Variants in TOX observed in about 807,000 individuals in gnomAD.
The protein encoded by TOX is thymocyte selection associated high mobility group box, also known as thymocyte selection-associated high mobility group box protein TOX.
TOX carries 11 observed loss-of-function variants against 53.7 expected under a neutral mutation model. That is an observed-to-expected ratio of 0.20 (90% confidence interval 0.13 to 0.34). The LOEUF (loss-of-function observed/expected upper bound fraction) is 0.34. Among genes scored for constraint, TOX ranks in the 10% least tolerant of loss-of-function variants. The pLI, the probability that TOX is intolerant of heterozygous loss-of-function variation, is 1.00. For synonymous variants in TOX, 225 were observed against 245.3 expected (o/e 0.92, Z 0.77); for missense variants, 570 against 664.6 (o/e 0.86, Z 1.56).
chr8:59,114,845 C>A (rs1220451019), intron 1 of TOX, among the ~76,000 whole-genome samples: 1 of 152,112 alleles, frequency 6.6e-6, no homozygotes, highest in East Asian at 1.9e-4. Context: ...ATACATAATA[C>A]ATTTTAAATA....
intron 1 of TOX, among the ~76,000 whole-genome samples, chr8:59,058,687 G>A (rs956102262): frequency 1.3e-5 from 2 of 152,066 alleles, no homozygotes; most frequent in African/African-American, 2.4e-5. Context: ...TGAGTTGTGC[G>A]CTCCAAGTCA....
intron 1 of TOX, among the ~76,000 whole-genome samples, chr8:59,018,788 T>A (rs1011816265): frequency 1.3e-5 from 2 of 152,122 alleles, no homozygotes; most frequent in South Asian, 4.2e-4. Context: ...GTTAATGCCT[T>A]TCTTGCTGAT....
chr8:58,893,302 A>G (rs1362756122), intron 3 of TOX, among the ~76,000 whole-genome samples: 5 of 152,190 alleles, frequency 3.3e-5, no homozygotes, highest in Non-Finnish European at 7.3e-5. Flanking sequence ...GGTGGCAAGA[A>G]GATAATATTT....
rs1365656924 is a variant in TOX, at chr8:58,921,244, C to G, written c.411+18058G>C. Among the ~76,000 whole-genome samples the G allele has an allele frequency of 2.0e-5, 3 of 152,284 alleles. No individual in the cohort carries two copies. In the East Asian group the frequency reaches 5.8e-4, roughly 29 times the overall value. ...TTCTGCTTTAAGCAAAGTAAAATGG[C>G]TGTTTTTGAAACTTGATTACTGATC... On this transcript the variant is annotated intron_variant, in intron 3 of 8. Transcript: ENST00000361421.
chr8:58,854,435 G>C (rs1810878005), intron 3 of TOX, among the ~76,000 whole-genome samples: 1 of 151,954 alleles, frequency 6.6e-6, no homozygotes, highest in African/African-American at 2.4e-5. Flanking sequence ...CTCCTCCCCT[G>C]TCTTGCAATC....
At chr8:59,032,948 T>C (rs1814385660) in intron 1 of TOX, among the ~76,000 whole-genome samples, 1 of 151,822 alleles carries the variant, frequency 6.6e-6, no homozygotes, top group African/African-American at 2.4e-5. Flanking sequence ...GGAGAATTGC[T>C]TGGACCTGGG....
chr8:59,076,944 A>G (rs1323801077), intron 1 of TOX, among the ~76,000 whole-genome samples: 1 of 152,230 alleles, frequency 6.6e-6, no homozygotes, highest in Non-Finnish European at 1.5e-5. Flanking sequence ...ATAGCACTTT[A>G]CAAAGCAATT....
intron 1 of TOX, among the ~76,000 whole-genome samples, chr8:59,035,444 A>G (rs1019176454): frequency 2.6e-5 from 4 of 152,198 alleles, no homozygotes; most frequent in African/African-American, 9.7e-5. Context: ...AGGCAATCAC[A>G]GCTCACTGCA....
chr8:59,096,772 C>T (rs1252493393), intron 1 of TOX, among the ~76,000 whole-genome samples: 4 of 152,042 alleles, frequency 2.6e-5, no homozygotes, highest in Non-Finnish European at 5.9e-5. Flanking sequence ...AGCTAAGAAC[C>T]AGGTGATGAG....
rs966594736 is a variant in TOX at position 58,939,877 on chromosome 8, A to C, written c.169-333T>G. ...TCTTTCATGGGAATTGTACGGAAGG[A>C]AGGCAATTTATAAAATTAACGTTTG... On this transcript the variant is annotated intron_variant, in intron 2 of 8. Coordinates refer to ENST00000361421, the MANE Select transcript of TOX (RefSeq NM_014729.3). 1.1e-4 allele frequency among the ~76,000 whole-genome samples: 16 copies of C among 152,242 alleles called. 1 individual carries two copies. The highest frequency in any genetic ancestry group is 9.8e-4 in the Admixed American group (15 of 15,288).
At chr8:59,066,121 T>C (rs565510211) in intron 1 of TOX, among the ~76,000 whole-genome samples, 1 of 152,344 alleles carries the variant, frequency 6.6e-6, no homozygotes, top group Admixed American at 6.5e-5. Flanking sequence ...AACCACCCTC[T>C]TCCTTCTTGG....
intron 3 of TOX, among the ~76,000 whole-genome samples, chr8:58,935,853 C>T (rs1215808017): frequency 6.6e-6 from 1 of 152,156 alleles, no homozygotes; most frequent in Non-Finnish European, 1.5e-5. Flanking sequence ...GAAACTAATT[C>T]CTTCATGCTT....
At chr8:59,080,385 C>T (rs777320763) in intron 1 of TOX, among the ~76,000 whole-genome samples, 1 of 152,022 alleles carries the variant, frequency 6.6e-6, no homozygotes, top group East Asian at 1.9e-4. Context: ...CTATATTTTA[C>T]AGGCTCATAG....
At chr8:58,989,345 C>A (rs1171631597) in intron 1 of TOX, among the ~76,000 whole-genome samples, 1 of 151,798 alleles carries the variant, frequency 6.6e-6, no homozygotes, top group Non-Finnish European at 1.5e-5. Flanking sequence ...AAAACATAAA[C>A]TCTTTTAGCT....
intron 1 of TOX, among the ~76,000 whole-genome samples, chr8:59,004,852 A>G (rs977831760): frequency 6.6e-6 from 1 of 152,206 alleles, no homozygotes; most frequent in African/African-American, 2.4e-5. Flanking sequence ...ACAAAACATA[A>G]TACTTTTTTG....
chr8:59,065,909 G>A lies in TOX; in HGVS notation c.102+52977C>T, dbSNP rs62504554. Among the ~76,000 whole-genome samples, 249 of 152,030 alleles carry A rather than the reference G, an allele frequency of 1.6e-3. 1 individual carries two copies. Among genetic ancestry groups the A allele is most frequent in the Non-Finnish European group, 2.5e-3 (173 of 67,968 alleles). ...TCACATATTGACAAAACCAATAAGCGAATAACATGCGTCCATGATTTACCA... is the reference window on the plus strand; with the variant it reads ...TCACATATTGACAAAACCAATAAGCAAATAACATGCGTCCATGATTTACCA... On this transcript the variant is annotated intron_variant, in intron 1 of 8. Coordinates refer to ENST00000361421, the MANE Select transcript of TOX (RefSeq NM_014729.3).
chr8:59,077,963 C>T (rs749791943), intron 1 of TOX, among the ~76,000 whole-genome samples: 4 of 152,002 alleles, frequency 2.6e-5, no homozygotes, highest in African/African-American at 7.3e-5. Flanking sequence ...GTTGGGAATA[C>T]GTGCGCTGTT....
intron 3 of TOX, among the ~76,000 whole-genome samples, chr8:58,905,050 A>C (rs1811789966): frequency 1.3e-5 from 2 of 152,188 alleles, no homozygotes; most frequent in African/African-American, 4.8e-5. Flanking sequence ...CTCCCGCCTC[A>C]GCCTCCTGAG....
intron 1 of TOX, among the ~76,000 whole-genome samples, chr8:59,075,047 T>C (rs1330587022): frequency 6.6e-6 from 1 of 152,182 alleles, no homozygotes; most frequent in Admixed American, 6.5e-5. Context: ...GGAACGCAGA[T>C]GTAATCCAGT....
Sources: gnomAD v4.1 joint callset for allele counts (sites outside exome capture counted in the v4.1 genomes callset) on GRCh38, gnomAD v4.1.1 for gene constraint, MANE v1.5 for transcripts, NCBI Gene and HGNC (gene_info 2026-07-23, HGNC 2026-07-21) for gene names.